The following TMEM164 variants were observed in gnomAD, a reference collection of about 807,000 sequenced individuals.
TMEM164 encodes the protein RP13-360B22.2.
In TMEM164, 4 loss-of-function variants were observed where a neutral mutation model predicts 18.8. That is an observed-to-expected ratio of 0.21 (90% CI 0.10 to 0.49). The LOEUF is 0.49. Ranked by LOEUF, TMEM164 falls within the 20% of genes least tolerant of loss-of-function variation. TMEM164 has a pLI of 0.98. For synonymous variants in TMEM164, 86 were observed against 101.7 expected (o/e 0.85, Z 0.93); for missense variants, 108 against 239.9 (o/e 0.45, Z 3.63).
chrX:110,126,810 CTGTGTGTG>C (rs4035483), intron 4 of TMEM164, among the ~76,000 whole-genome samples: 2,359 of 69,485 alleles, frequency 0.034, 63 homozygotes, highest in African/African-American at 0.083. Flanking sequence ...TGGGCCACTC[CTGTGTGTG>C]TGTGTGTGTG....
intron 4 of TMEM164, among the ~76,000 whole-genome samples, chrX:110,114,534 G>A (rs1243756029): frequency 8.9e-6 from 1 of 111,733 alleles, no homozygotes; most frequent in East Asian, 2.8e-4. Context: ...CATGGAACCT[G>A]GTTACAGATT....
downstream of TMEM164, among the ~76,000 whole-genome samples, chrX:110,184,072 T>C (rs1362164393): frequency 1.8e-5 from 2 of 111,220 alleles, no homozygotes; most frequent in Non-Finnish European, 3.8e-5. Flanking sequence ...GATAATGATG[T>C]ATCAGTGTAG....
downstream of TMEM164, among the ~76,000 whole-genome samples, chrX:110,178,099 A>G (rs1402200072): frequency 8.9e-6 from 1 of 112,317 alleles, no homozygotes; most frequent in African/African-American, 3.2e-5. Flanking sequence ...GGAGAAGGCA[A>G]ACACATTCAG....
At chrX:110,017,800 C>T (rs937741026) in intron 2 of TMEM164, among the ~76,000 whole-genome samples, 1 of 108,944 alleles carries the variant, frequency 9.2e-6, no homozygotes. Context: ...AACTCCTGAC[C>T]TCAGGTGATC....
chrX:110,096,669 A>T (rs1023285794), intron 3 of TMEM164, among the ~76,000 whole-genome samples: 11 of 112,079 alleles, frequency 9.8e-5, no homozygotes, highest in African/African-American at 3.2e-4. Context: ...GCTTCGGCTC[A>T]TGCTTCATGG....
Position 110,176,319 on chromosome X carries a change from T to C in TMEM164, c.*2868T>C. On this transcript the variant is annotated 3_prime_UTR_variant, in exon 7 of 7. Coordinates refer to ENST00000372068, the MANE Select transcript of TMEM164 (RefSeq NM_032227.4). ...TCTGGTCCTCCCTGCCCTCAGTATT[T>C]GGTTTTGTACACCAAAGATGATCTG... 1.3e-6 allele frequency: 1 copy of C among 756,239 alleles called. No individual in the cohort carries two copies. The highest frequency in any genetic ancestry group is 2.3e-5 in the African/African-American group (1 of 43,753). 62.3% of individuals were successfully genotyped at this position (756,239 alleles called of 1,213,427 possible). A position where few individuals can be genotyped will look rare whatever the true frequency, so the allele number is the denominator to read the frequency against.
chrX:110,176,541 T>A lies in TMEM164; in HGVS notation c.*3090T>A. ...CCAGGGTGATCGGCGAACTTTACCGTACAGTACCTCAGTCTAGCTGTCAGA... is the reference window on the plus strand; with the variant it reads ...CCAGGGTGATCGGCGAACTTTACCGAACAGTACCTCAGTCTAGCTGTCAGA... On this transcript the variant is annotated 3_prime_UTR_variant, in exon 7 of 7. Transcript: ENST00000372068. 1 of 352,274 alleles carries A rather than the reference T, an allele frequency of 2.8e-6. No homozygotes were observed. 29.0% of individuals were successfully genotyped at this position (352,274 alleles called of 1,213,427 possible). A position where few individuals can be genotyped will look rare whatever the true frequency, so the allele number is the denominator to read the frequency against.
At chrX:110,022,071 A>G (rs1159113732) in intron 2 of TMEM164, among the ~76,000 whole-genome samples, 4 of 111,673 alleles carry the variant, frequency 3.6e-5, no homozygotes, top group Non-Finnish European at 7.5e-5. Flanking sequence ...AATTGATTAC[A>G]CTTGGGGCCT....
intron 4 of TMEM164, among the ~76,000 whole-genome samples, chrX:110,109,449 C>T (rs1276326961): frequency 8.9e-6 from 1 of 111,988 alleles, no homozygotes; most frequent in Non-Finnish European, 1.9e-5. Context: ...ACCTGGGTGG[C>T]AGAGGTTGCA....
chrX:110,089,282 C>T (rs2065893734), intron 3 of TMEM164, among the ~76,000 whole-genome samples: 1 of 111,991 alleles, frequency 8.9e-6, no homozygotes, highest in Admixed American at 9.5e-5. Context: ...ACTGCAACCT[C>T]TGCCACCCAG....
At chrX:110,112,284 G>A (rs1171375095) in intron 4 of TMEM164, among the ~76,000 whole-genome samples, 1 of 111,703 alleles carries the variant, frequency 9.0e-6, no homozygotes, top group African/African-American at 3.3e-5. Flanking sequence ...AGTGAGCCGA[G>A]ATCACGCCAC....
intron 2 of TMEM164, among the ~76,000 whole-genome samples, chrX:110,027,558 G>A (rs1167872033): frequency 2.7e-5 from 3 of 110,273 alleles, no homozygotes; most frequent in African/African-American, 6.6e-5. Context: ...TCAGGAGTTC[G>A]AGACCAGCCT....
At chrX:110,083,042 C>T (rs193259473) in intron 3 of TMEM164, among the ~76,000 whole-genome samples, 16 of 110,946 alleles carry the variant, frequency 1.4e-4, no homozygotes, top group Middle Eastern at 9.3e-3. Flanking sequence ...TTTAATGATG[C>T]TTTTGATAAT....
chrX:110,183,799 A>C (rs527901261), downstream of TMEM164, among the ~76,000 whole-genome samples: 123 of 112,424 alleles, frequency 1.1e-3, 1 homozygote, highest in Middle Eastern at 0.018. Flanking sequence ...GCTATTGAAA[A>C]GTGTATAACA....
At chrX:110,017,208 G>A (rs1041193655) in intron 2 of TMEM164, among the ~76,000 whole-genome samples, 22 of 112,107 alleles carry the variant, frequency 2.0e-4, no homozygotes, top group Admixed American at 1.4e-3. Flanking sequence ...AAGCAGAGCT[G>A]AGTCTCCTGA....
chrX:110,072,458 G>A (rs766760669), intron 3 of TMEM164, among the ~76,000 whole-genome samples: 164 of 110,981 alleles, frequency 1.5e-3, no homozygotes, highest in Admixed American at 2.1e-3. Context: ...AATTTTGGTC[G>A]TTTGTGTTTT....
chrX:110,054,493 C>G (rs1022947870), intron 2 of TMEM164, among the ~76,000 whole-genome samples: 1 of 112,243 alleles, frequency 8.9e-6, no homozygotes, highest in African/African-American at 3.2e-5. Context: ...GGAGGCTGAA[C>G]TGAACTGGAG....
At chrX:110,022,427 G>C (rs1287351146) in intron 2 of TMEM164, among the ~76,000 whole-genome samples, 1 of 111,444 alleles carries the variant, frequency 9.0e-6, no homozygotes, top group Non-Finnish European at 1.9e-5. Flanking sequence ...GAATCATACA[G>C]CTTGTAGGAT....
chrX:110,143,839 G>A (rs1025465045), intron 4 of TMEM164, among the ~76,000 whole-genome samples: 2 of 109,826 alleles, frequency 1.8e-5, no homozygotes, highest in South Asian at 3.9e-4. Context: ...GTGTGTACAC[G>A]TGTGTGTGTA....
Sources: gnomAD v4.1 joint callset for allele counts (sites outside exome capture counted in the v4.1 genomes callset) on GRCh38, gnomAD v4.1.1 for gene constraint, MANE v1.5 for transcripts, NCBI Gene and HGNC (gene_info 2026-07-23, HGNC 2026-07-21) for gene names.